Variants in PHF21A observed in about 807,000 individuals in gnomAD.
PHF21A encodes BHC80a.
PHF21A carries 11 observed loss-of-function variants against 82.5 expected under a neutral mutation model. The ratio of observed to expected loss-of-function variants is 0.13; its 90% CI spans 0.08 to 0.22. PHF21A has a LOEUF of 0.22. PHF21A is among the 10% of genes least tolerant of loss of function. The probability of loss-of-function intolerance (pLI) is 1.00; values close to 1 mark genes in which losing one functional copy is unlikely to be tolerated. For synonymous variants in PHF21A, 297 were observed against 302.8 expected (o/e 0.98, Z 0.20); for missense variants, 579 against 837.8 (o/e 0.69, Z 3.81).
At chr11:45,981,584 C>G (rs2094289247) in intron 6 of PHF21A, among the ~76,000 whole-genome samples, 1 of 152,018 alleles carries the variant, frequency 6.6e-6, no homozygotes, top group Non-Finnish European at 1.5e-5. Context: ...CAGCATTCCT[C>G]TCATATCTCA....
chr11:45,945,952 G>A lies in PHF21A; in HGVS notation c.1340C>T (p.Thr447Ile), dbSNP rs772740423. 4 of 1,613,742 alleles carry A rather than the reference G, an allele frequency of 2.5e-6. No homozygotes were observed. Among genetic ancestry groups the A allele is most frequent in the South Asian group, 2.2e-5 (2 of 91,076 alleles). Residue 447 changes from threonine to isoleucine, a missense_variant, in exon 15 of 19, where the codon ACA becomes ATA. Thr to Ile is a moderately conservative substitution (Grantham distance 89). Coordinates refer to ENST00000676320, the MANE Select transcript of PHF21A (RefSeq NM_001352027.3). Reference sequence around the variant, plus strand: ...GTCAGGATGACTGGATTGGGGGGATGTTGGGGTAAGGGCTCCAAACCCCAG... The same window carrying A: ...GTCAGGATGACTGGATTGGGGGGATATTGGGGTAAGGGCTCCAAACCCCAG... ...AVLGFGALTPTSPQSSHPDSP... is the reference protein window; with the variant it reads ...AVLGFGALTPISPQSSHPDSP...
chr11:45,969,184 G>C (rs953991414), intron 9 of PHF21A, among the ~76,000 whole-genome samples: 1 of 152,120 alleles, frequency 6.6e-6, no homozygotes, highest in African/African-American at 2.4e-5. Context: ...TCCTACCAAG[G>C]AAGTCAACAC....
At chr11:46,110,299 G>A (rs1056967999) in intron 1 of PHF21A, among the ~76,000 whole-genome samples, 3 of 152,076 alleles carry the variant, frequency 2.0e-5, no homozygotes, top group Admixed American at 6.5e-5. Context: ...GTACAGCTAC[G>A]TGACAGGAGT....
intron 6 of PHF21A, among the ~76,000 whole-genome samples, chr11:46,054,845 C>T (rs2139282630): frequency 6.6e-6 from 1 of 152,258 alleles, no homozygotes; most frequent in African/African-American, 2.4e-5. Context: ...CAGCTCTACA[C>T]CTTGAAGCAA....
intron 6 of PHF21A, among the ~76,000 whole-genome samples, chr11:45,987,946 G>GT (rs765125860): frequency 1.3e-5 from 2 of 152,160 alleles, no homozygotes; most frequent in Non-Finnish European, 2.9e-5. Flanking sequence ...AGCTGCTGTG[G>GT]TTTTCCTCAC....
At chr11:45,939,771 CAAA>C (rs56931455) in intron 15 of PHF21A, among the ~76,000 whole-genome samples, 1 of 60,380 alleles carries the variant, frequency 1.7e-5, no homozygotes, top group Non-Finnish European at 3.1e-5. Context: ...GAACATAGCC[CAAA>C]AAAAAAAAAA....
chr11:46,068,097 G>A (rs1418027140), intron 6 of PHF21A, among the ~76,000 whole-genome samples: 1 of 152,154 alleles, frequency 6.6e-6, no homozygotes, highest in Non-Finnish European at 1.5e-5. Flanking sequence ...TGACAGCAGA[G>A]AATTTATGGG....
chr11:46,099,576 C>A (rs2097062317), intron 1 of PHF21A, among the ~76,000 whole-genome samples: 1 of 131,394 alleles, frequency 7.6e-6, no homozygotes, highest in African/African-American at 2.7e-5. Flanking sequence ...TAAACACAAA[C>A]ACAAACACAA....
chr11:46,071,046 G>C (rs1044126678), intron 6 of PHF21A, among the ~76,000 whole-genome samples: 2 of 152,138 alleles, frequency 1.3e-5, no homozygotes, highest in Admixed American at 1.3e-4. Flanking sequence ...TTTAGACTAA[G>C]TGCGGTAGAT....
chr11:46,097,663 T>A (rs532579399), intron 1 of PHF21A, among the ~76,000 whole-genome samples: 3 of 152,336 alleles, frequency 2.0e-5, no homozygotes, highest in African/African-American at 7.2e-5. Context: ...AGGGTCCAGA[T>A]AAAGACTCAC....
At chr11:45,948,985 T>A in intron 13 of PHF21A, 39 bp from the exon 14 acceptor site, 1 of 1,529,902 alleles carries the variant, frequency 6.5e-7, no homozygotes. Flanking sequence ...TGTTGAGTAG[T>A]GTGGTTATTA....
chr11:45,996,201 C>T (rs550742925), intron 6 of PHF21A, among the ~76,000 whole-genome samples: 73 of 152,230 alleles, frequency 4.8e-4, no homozygotes, highest in African/African-American at 1.5e-3. Context: ...GGCTCGGCCT[C>T]CCAAAGTGAG....
intron 7 of PHF21A, 56 bp from the exon 8 acceptor site, chr11:45,971,423 T>A: frequency 6.9e-7 from 1 of 1,443,218 alleles, no homozygotes; most frequent in Non-Finnish European, 9.5e-7. Flanking sequence ...AATAATAAAC[T>A]AAATCCCACT....
intron 10 of PHF21A, among the ~76,000 whole-genome samples, chr11:45,964,649 A>G (rs1364502552): frequency 1.3e-5 from 2 of 152,210 alleles, no homozygotes; most frequent in African/African-American, 4.8e-5. Context: ...GGATACGGTG[A>G]CTGCCTATAA....
chr11:45,936,925 G>A (rs963856490), intron 16 of PHF21A: 13 of 196,954 alleles, frequency 6.6e-5, no homozygotes, highest in Admixed American at 4.5e-4. Context: ...GCAGCCACTG[G>A]CAGTTTCGTC....
chr11:46,034,710 A>G (rs964458165), intron 6 of PHF21A, among the ~76,000 whole-genome samples: 3 of 152,010 alleles, frequency 2.0e-5, no homozygotes, highest in Admixed American at 1.3e-4. Context: ...TTTCACGTTC[A>G]TCCTTCCCCA....
intron 6 of PHF21A, among the ~76,000 whole-genome samples, chr11:46,036,935 T>G (rs139496223): frequency 2.0e-5 from 3 of 152,326 alleles, no homozygotes; most frequent in African/African-American, 7.2e-5. Context: ...AGTCTTGAAC[T>G]CCTGGCCTCA....
chr11:45,982,917 C>A (rs992251781), intron 6 of PHF21A, among the ~76,000 whole-genome samples: 1 of 152,150 alleles, frequency 6.6e-6, no homozygotes, highest in African/African-American at 2.4e-5. Context: ...CTATACCAGT[C>A]ACAAAAGGAA....
chr11:45,967,422 G>C (rs952463563), intron 9 of PHF21A, among the ~76,000 whole-genome samples: 1 of 152,020 alleles, frequency 6.6e-6, no homozygotes, highest in African/African-American at 2.4e-5. Context: ...GGGCTTGAGG[G>C]GACCCCATGA....
Sources: gnomAD v4.1 joint callset for allele counts (sites outside exome capture counted in the v4.1 genomes callset) on GRCh38, gnomAD v4.1.1 for gene constraint, MANE v1.5 for transcripts, NCBI Gene and HGNC (gene_info 2026-07-23, HGNC 2026-07-21) for gene names.